CHN1: variants seen among roughly 807,000 people sequenced by gnomAD.
CHN1 encodes chimerin 1.
A neutral mutation model predicts 59.5 loss-of-function variants in CHN1; 37 were observed. The observed-to-expected ratio is 0.62, with a 90% CI of 0.48 to 0.82. CHN1 has a LOEUF of 0.82. CHN1 is among the 40% of genes least tolerant of loss of function. The probability of loss-of-function intolerance (pLI) is 0.00; values close to 1 mark genes in which losing one functional copy is unlikely to be tolerated. For synonymous variants in CHN1, 206 were observed against 200.4 expected (o/e 1.03, Z -0.24); for missense variants, 469 against 571.0 (o/e 0.82, Z 1.82).
chr2:174,953,057 C>T lies in CHN1; in HGVS notation c.20-855G>A, dbSNP rs1406546535. Among the ~76,000 whole-genome samples, 4 of 151,878 alleles carry T rather than the reference C, an allele frequency of 2.6e-5. No individual in the cohort carries two copies. In the East Asian group the frequency reaches 7.8e-4, roughly 29 times the overall value. ...GACTATATAGCCACGACTGCAGAAA[C>T]ATTTTTTGGTATAGAAAGGTATGGC... On this transcript the variant is annotated intron_variant, in intron 1 of 12. Coordinates refer to ENST00000409900, the MANE Select transcript of CHN1 (RefSeq NM_001822.7).
intron 5 of CHN1, among the ~76,000 whole-genome samples, chr2:174,902,750 C>T (rs1688429290): frequency 6.6e-6 from 1 of 152,166 alleles, no homozygotes; most frequent in South Asian, 2.1e-4. Context: ...ATAATCCTTC[C>T]CCAGTTCCTT....
intron 1 of CHN1, among the ~76,000 whole-genome samples, chr2:174,985,111 A>G (rs537279432): frequency 8.0e-4 from 122 of 152,340 alleles, no homozygotes; most frequent in African/African-American, 2.8e-3. Flanking sequence ...TCAGAATGCT[A>G]TAGACCTAAA....
intron 8 of CHN1, among the ~76,000 whole-genome samples, chr2:174,819,428 T>C (rs1473662622): frequency 6.6e-6 from 1 of 152,218 alleles, no homozygotes; most frequent in Non-Finnish European, 1.5e-5. Flanking sequence ...AACTGATATG[T>C]CTGATTTGAA....
chr2:174,798,952 G>A lies in CHN1; in HGVS notation c.*1164C>T, dbSNP rs1418418551. 6.6e-6 allele frequency among the ~76,000 whole-genome samples: 1 copy of A among 152,218 alleles called. No homozygotes were observed. Among genetic ancestry groups the A allele is most frequent in the Non-Finnish European group, 1.5e-5 (1 of 68,042 alleles). ...CACAGGTGGCCAGTGGTAGTACCAG[G>A]CCCAGAATCTGGGCTCCTGGCCCCT... is the stretch of plus-strand genomic sequence containing the variant. On this transcript the variant is annotated 3_prime_UTR_variant, in exon 13 of 13. Coordinates refer to ENST00000409900, the MANE Select transcript of CHN1 (RefSeq NM_001822.7).
At chr2:174,916,929 C>G (rs181170478) in intron 4 of CHN1, among the ~76,000 whole-genome samples, 38 of 152,328 alleles carry the variant, frequency 2.5e-4, no homozygotes, top group African/African-American at 9.1e-4. Flanking sequence ...CAGTAGCTCA[C>G]GCCTGTAATG....
chr2:174,915,651 A>T (rs1341159429), intron 4 of CHN1, among the ~76,000 whole-genome samples: 1 of 152,222 alleles, frequency 6.6e-6, no homozygotes, highest in African/African-American at 2.4e-5. Context: ...ATTGCCCAAT[A>T]ATGTGCATAA....
chr2:174,872,469 A>T (rs1374034423), intron 6 of CHN1, among the ~76,000 whole-genome samples: 1 of 152,224 alleles, frequency 6.6e-6, no homozygotes, highest in Non-Finnish European at 1.5e-5. Context: ...ATAGAAGCAG[A>T]AAGCTTGACT....
At chr2:174,831,826 T>C (rs551312581) in intron 7 of CHN1, among the ~76,000 whole-genome samples, 6 of 152,282 alleles carry the variant, frequency 3.9e-5, no homozygotes, top group Admixed American at 3.3e-4. Context: ...AATGAGTTCG[T>C]ATTCAAATAT....
At chr2:174,803,814 A>C (rs557162355) in intron 11 of CHN1, among the ~76,000 whole-genome samples, 1 of 152,328 alleles carries the variant, frequency 6.6e-6, no homozygotes, top group Non-Finnish European at 1.5e-5. Context: ...TCAGCTTCTC[A>C]AAGTGCTGGG....
chr2:174,839,977 AG>A (rs765653156), intron 7 of CHN1, among the ~76,000 whole-genome samples: 3 of 151,880 alleles, frequency 2.0e-5, no homozygotes, highest in Non-Finnish European at 2.9e-5. Flanking sequence ...CTCTCTCCAA[AG>A]TTTAAACTAC....
At chr2:174,808,645 G>A (rs1246672622) in intron 11 of CHN1, among the ~76,000 whole-genome samples, 1 of 151,994 alleles carries the variant, frequency 6.6e-6, no homozygotes, top group Non-Finnish European at 1.5e-5. Flanking sequence ...CAAAAGCATT[G>A]GCTTACATCT....
intron 1 of CHN1, among the ~76,000 whole-genome samples, chr2:174,969,322 T>C (rs951018007): frequency 6.6e-6 from 1 of 152,214 alleles, no homozygotes; most frequent in African/African-American, 2.4e-5. Flanking sequence ...CATCATCTGG[T>C]AACTTGGAAA....
chr2:174,961,271 ATTTT>A (rs940080626), intron 1 of CHN1, among the ~76,000 whole-genome samples: 4 of 150,672 alleles, frequency 2.7e-5, no homozygotes, highest in Non-Finnish European at 4.4e-5. Context: ...CTTGAATCAT[ATTTT>A]TTTGTTAATT....
intron 1 of CHN1, among the ~76,000 whole-genome samples, chr2:174,958,364 G>C (rs1690283931): frequency 6.6e-6 from 1 of 152,190 alleles, no homozygotes; most frequent in Non-Finnish European, 1.5e-5. Context: ...AGTCCTTCTA[G>C]TGAATTTTAG....
At chr2:174,982,027 A>G (rs1691169808) in intron 1 of CHN1, among the ~76,000 whole-genome samples, 1 of 151,990 alleles carries the variant, frequency 6.6e-6, no homozygotes, top group African/African-American at 2.4e-5. Context: ...ATTCCCACCT[A>G]TGAGTGAGAA....
chr2:174,824,235 T>C (rs1685605553), intron 8 of CHN1, among the ~76,000 whole-genome samples, 199 bp downstream of exon 8: 1 of 152,192 alleles, frequency 6.6e-6, no homozygotes, highest in Admixed American at 6.5e-5. Flanking sequence ...TAGTGTGCTG[T>C]CCATCAAGTG....
intron 9 of CHN1, chr2:174,812,099 T>C (rs1685095629): frequency 5.0e-6 from 2 of 402,242 alleles, no homozygotes; most frequent in Non-Finnish European, 8.7e-6. Flanking sequence ...TACAAGCACA[T>C]TGGCTACACT....
intron 3 of CHN1, among the ~76,000 whole-genome samples, chr2:174,942,502 G>A (rs1428601929): frequency 6.6e-6 from 1 of 151,974 alleles, no homozygotes; most frequent in African/African-American, 2.4e-5. Flanking sequence ...TCTAGAGGCT[G>A]GGAGGGGTAG....
intron 5 of CHN1, among the ~76,000 whole-genome samples, chr2:174,882,086 C>T (rs1167190327): frequency 1.3e-5 from 2 of 152,138 alleles, no homozygotes; most frequent in African/African-American, 4.8e-5. Context: ...TCTGACTCTG[C>T]CCTTGCTTAA....
Sources: gnomAD v4.1 joint callset for allele counts (sites outside exome capture counted in the v4.1 genomes callset) on GRCh38, gnomAD v4.1.1 for gene constraint, MANE v1.5 for transcripts, NCBI Gene and HGNC (gene_info 2026-07-23, HGNC 2026-07-21) for gene names.